VWA8: variants seen among roughly 807,000 people sequenced by gnomAD.
The protein encoded by VWA8 is von Willebrand factor A domain-containing protein 8.
A neutral mutation model predicts 241.5 loss-of-function variants in VWA8; 221 were observed. That is an observed-to-expected ratio of 0.91 (90% CI 0.82 to 1.02). The LOEUF is 1.02. VWA8 is among the 50% of genes least tolerant of loss of function. The pLI is 0.00. For missense variants in VWA8, 2,322 were observed against 2,328.7 expected, an observed-to-expected ratio of 1.00 and a Z score of 0.06; for synonymous variants, 852 against 827.1, an observed-to-expected ratio of 1.03 and a Z score of -0.52.
In VWA8 at chr13:41,732,106, G is replaced by T; in HGVS notation, c.2476C>A (p.Leu826Ile). The change falls in exon 22 of 45, where the codon CTT becomes ATT. Residue 826 changes from leucine to isoleucine, a missense_variant. Transcript: ENST00000379310. ...AAAGGTGAGTCTTCATATACAATAA[G>T]TCCGTCTTTAACCGAAGGCTGAAGC... is the stretch of plus-strand genomic sequence containing the variant. ...LTLQPSVKDGLIVYEDSPLVK... is the reference protein window; with the variant it reads ...LTLQPSVKDGIIVYEDSPLVK... 1.4e-5 allele frequency: 23 copies of T among 1,613,204 alleles called. No individual in the cohort carries two copies. Among genetic ancestry groups the T allele is most frequent in the Non-Finnish European group, 1.9e-5 (22 of 1,179,546 alleles).
chr13:41,885,783 C>A (rs972156975), intron 8 of VWA8, 137 bp downstream of exon 8: 1 of 662,640 alleles, frequency 1.5e-6, no homozygotes, highest in Non-Finnish European at 2.5e-6. Flanking sequence ...CTGCACTGCA[C>A]AACAAATTAA....
intron 12 of VWA8, among the ~76,000 whole-genome samples, chr13:41,835,663 T>A (rs192749619): frequency 6.6e-6 from 1 of 152,248 alleles, no homozygotes; most frequent in East Asian, 1.9e-4. Context: ...TAAGTGTCTG[T>A]GGGTCATTTT....
intron 8 of VWA8, among the ~76,000 whole-genome samples, chr13:41,884,301 C>G (rs1287004056): frequency 6.6e-6 from 1 of 152,132 alleles, no homozygotes; most frequent in Non-Finnish European, 1.5e-5. Context: ...ATAGTGAGTT[C>G]TCATGAGATC....
At chr13:41,774,552 C>T (rs1381909419) in intron 20 of VWA8, among the ~76,000 whole-genome samples, 1 of 152,194 alleles carries the variant, frequency 6.6e-6, no homozygotes, top group Non-Finnish European at 1.5e-5. Flanking sequence ...AATGAAGACT[C>T]TTTATCTCTT....
At chr13:41,737,961 C>A (rs1174814971) in intron 21 of VWA8, among the ~76,000 whole-genome samples, 1 of 151,952 alleles carries the variant, frequency 6.6e-6, no homozygotes, top group Non-Finnish European at 1.5e-5. Flanking sequence ...AAATCTGAGG[C>A]CTTTTCCCAG....
rs1869085293 is a variant in VWA8, at chr13:41,784,723, TATATATACAC to T, written c.2171-832_2171-823del. 2.7e-5 allele frequency among the ~76,000 whole-genome samples: 2 copies of T among 72,882 alleles called. 1 individual carries two copies. The highest frequency in any genetic ancestry group is 6.0e-5 in the Non-Finnish European group (2 of 33,584). 47.8% of individuals were successfully genotyped at this position (72,882 alleles called of 152,430 possible). ...ATATATATATATATATATATATATA[TATATATACAC>T]ACACATATATATATATATATATATA... On this transcript the variant is annotated intron_variant, in intron 18 of 44. Coordinates refer to ENST00000379310, the MANE Select transcript of VWA8 (RefSeq NM_015058.2).
intron 4 of VWA8, among the ~76,000 whole-genome samples, chr13:41,904,721 T>C (rs563310240): frequency 2.8e-4 from 43 of 152,158 alleles, no homozygotes; most frequent in Non-Finnish European, 1.2e-4. Flanking sequence ...AAGTTTTAAA[T>C]GTATTAAAAT....
chr13:41,742,093 T>C (rs76592588), intron 21 of VWA8, among the ~76,000 whole-genome samples: 2,886 of 152,288 alleles, frequency 0.019, 93 homozygotes, highest in African/African-American at 0.065. Flanking sequence ...CATGGAAGGA[T>C]GTAGAGCTAG....
At chr13:41,953,945 G>C (rs66666657) in intron 1 of VWA8, among the ~76,000 whole-genome samples, 48,593 of 152,070 alleles carry the variant, frequency 0.32, 7,868 homozygotes, top group East Asian at 0.43. Context: ...CAAGCAACAG[G>C]CTTCTTAAAA....
intron 37 of VWA8, among the ~76,000 whole-genome samples, chr13:41,626,697 G>A (rs545091719): frequency 6.6e-6 from 1 of 152,204 alleles, no homozygotes; most frequent in African/African-American, 2.4e-5. Flanking sequence ...AAATGGTGCT[G>A]GAATAACTGG....
chr13:41,730,853 T>A (rs1424345810), intron 22 of VWA8, among the ~76,000 whole-genome samples: 1 of 151,938 alleles, frequency 6.6e-6, no homozygotes, highest in Non-Finnish European at 1.5e-5. Flanking sequence ...ACAATTATTT[T>A]AAACCATATT....
intron 26 of VWA8, among the ~76,000 whole-genome samples, chr13:41,707,671 T>A (rs1434433354): frequency 1.3e-5 from 2 of 152,228 alleles, no homozygotes; most frequent in Non-Finnish European, 1.5e-5. Context: ...CTAATAATTC[T>A]GGCTTTGTGC....
At chr13:41,943,723 A>G (rs968513563) in intron 2 of VWA8, among the ~76,000 whole-genome samples, 1 of 152,230 alleles carries the variant, frequency 6.6e-6, no homozygotes, top group Non-Finnish European at 1.5e-5. Context: ...ACTTTAATAT[A>G]TACTTCACAA....
At chr13:41,660,031 T>C (rs886631834) in intron 37 of VWA8, among the ~76,000 whole-genome samples, 2 of 152,202 alleles carry the variant, frequency 1.3e-5, no homozygotes, top group Admixed American at 6.5e-5. Flanking sequence ...ATGATATTGA[T>C]ATAGGAAAAA....
intron 41 of VWA8, among the ~76,000 whole-genome samples, chr13:41,590,314 C>G (rs1478424846): frequency 6.6e-6 from 1 of 152,190 alleles, no homozygotes; most frequent in African/African-American, 2.4e-5. Flanking sequence ...CCTGCTGTTG[C>G]TATCCCTGGG....
At chr13:41,782,778 T>C (rs1336089671) in intron 19 of VWA8, among the ~76,000 whole-genome samples, 2 of 152,074 alleles carry the variant, frequency 1.3e-5, no homozygotes, top group East Asian at 3.9e-4. Context: ...ATAAAAGTAA[T>C]ACACAGCCAC....
At chr13:41,611,966 C>A (rs927508166) in intron 38 of VWA8, among the ~76,000 whole-genome samples, 7 of 152,172 alleles carry the variant, frequency 4.6e-5, no homozygotes, top group Non-Finnish European at 8.8e-5. Context: ...TTCTATGACA[C>A]CTTAGCTAAT....
intron 17 of VWA8, among the ~76,000 whole-genome samples, chr13:41,789,339 T>C (rs1042441598): frequency 1.3e-5 from 2 of 152,186 alleles, no homozygotes; most frequent in African/African-American, 4.8e-5. Flanking sequence ...CTCTTTACTA[T>C]CCTAGCTTCC....
chr13:41,630,728 G>T (rs981411603), intron 37 of VWA8, among the ~76,000 whole-genome samples: 12 of 151,854 alleles, frequency 7.9e-5, no homozygotes. Flanking sequence ...TTACAGACTT[G>T]GGATAAAAGG....
Sources: allele counts gnomAD v4.1 joint callset (sites outside exome capture counted in the v4.1 genomes callset), GRCh38; gene constraint gnomAD v4.1.1; transcripts MANE v1.5; gene names NCBI Gene and HGNC (gene_info 2026-07-23, HGNC 2026-07-21).